Variants in SNX29 observed in about 807,000 individuals in gnomAD.
SNX29 encodes sorting nexin-29.
Under a neutral mutation model 102.1 loss-of-function variants are expected in SNX29, and 78 were observed. The ratio of observed to expected loss-of-function variants is 0.76; its 90% CI spans 0.64 to 0.92. The LOEUF (loss-of-function observed/expected upper bound fraction) is 0.92. Among genes scored for constraint, SNX29 ranks in the 40% least tolerant of loss-of-function variants. The pLI, the probability that SNX29 is intolerant of heterozygous loss-of-function variation, is 0.00. For missense variants in SNX29, 1,280 were observed against 1,061.7 expected, an observed-to-expected ratio of 1.21 and a Z score of -2.86; for synonymous variants, 580 against 414.5, an observed-to-expected ratio of 1.40 and a Z score of -4.85.
At chr16:12,000,059 G>T (rs1160680828) in intron 2 of SNX29, among the ~76,000 whole-genome samples, 1 of 152,118 alleles carries the variant, frequency 6.6e-6, no homozygotes, top group Non-Finnish European at 1.5e-5. Flanking sequence ...TGGAGGCCAC[G>T]CCTGAGGTCC....
chr16:12,551,998 C>T (rs983936774), intron 20 of SNX29, among the ~76,000 whole-genome samples: 4 of 152,188 alleles, frequency 2.6e-5, no homozygotes, highest in African/African-American at 9.7e-5. Flanking sequence ...GTAGCTCCTG[C>T]TGGTCCCTGT....
intron 13 of SNX29, among the ~76,000 whole-genome samples, chr16:12,139,981 A>AAG (rs2054811244): frequency 1.1e-5 from 1 of 93,658 alleles, no homozygotes; most frequent in African/African-American, 3.5e-5. Context: ...ACCCTGTCTC[A>AAG]AAAAAAAAAA....
chr16:12,394,182 A>G (rs980806989), intron 16 of SNX29, among the ~76,000 whole-genome samples: 4 of 152,190 alleles, frequency 2.6e-5, no homozygotes, highest in South Asian at 4.1e-4. Flanking sequence ...GCATCTGTAT[A>G]TGTCTACTCT....
At chr16:12,516,386 A>G (rs952028736) in intron 19 of SNX29, among the ~76,000 whole-genome samples, 1 of 150,504 alleles carries the variant, frequency 6.6e-6, no homozygotes, top group African/African-American at 2.4e-5. Flanking sequence ...AGGCTGAGGC[A>G]GGAGGATTGC....
intron 16 of SNX29, chr16:12,373,933 T>A (rs920850992): frequency 1.3e-5 from 2 of 152,266 alleles, no homozygotes; most frequent in Non-Finnish European, 2.9e-5. Context: ...GATGTCTCAA[T>A]TTAAGTGGTT....
At chr16:12,318,516 T>C (rs562266950) in intron 15 of SNX29, among the ~76,000 whole-genome samples, 5 of 152,066 alleles carry the variant, frequency 3.3e-5, no homozygotes, top group African/African-American at 1.2e-4. Context: ...CCATCCTCTG[T>C]TGGTGGGGAA....
intron 13 of SNX29, among the ~76,000 whole-genome samples, chr16:12,155,254 A>C (rs989431111): frequency 3.3e-5 from 5 of 152,196 alleles, no homozygotes; most frequent in African/African-American, 1.2e-4. Context: ...GTAACAATGT[A>C]ATTATGCAGC....
At chr16:12,104,985 A>T (rs1486489597) in intron 11 of SNX29, among the ~76,000 whole-genome samples, 2 of 152,172 alleles carry the variant, frequency 1.3e-5, no homozygotes, top group South Asian at 2.1e-4. Context: ...CCAAATGCAG[A>T]TCCACTCGGG....
chr16:12,043,739 A>AT (rs201568046), intron 5 of SNX29, among the ~76,000 whole-genome samples: 2 of 126,864 alleles, frequency 1.6e-5, no homozygotes, highest in East Asian at 2.0e-4. Flanking sequence ...GAAGGAAGTC[A>AT]TTTTTTTTGT....
chr16:12,270,462 G>A lies in SNX29; in HGVS notation c.1679-7471G>A, dbSNP rs142388848. On this transcript the variant is annotated intron_variant, in intron 14 of 20. Transcript: ENST00000566228. ...CTCCCAAGGCAAATTGAACCTTCTC[G>A]ACTTGAAAGTAAATCCGATGTTGTG... Among the ~76,000 whole-genome samples the A allele has an allele frequency of 9.0e-3, 1,362 of 152,158 alleles. 9 individuals carry two copies. The highest frequency in any genetic ancestry group is 0.013 in the African/African-American group (532 of 41,538).
intron 3 of SNX29, among the ~76,000 whole-genome samples, chr16:12,012,450 C>A (rs2056685579): frequency 2.0e-5 from 3 of 152,064 alleles, no homozygotes; most frequent in Admixed American, 2.0e-4. Context: ...CTTTTGTTGT[C>A]CAGGCTGGAG....
rs1157013617 is a variant in SNX29, at chr16:12,041,694, A to G, written c.248-1203A>G. On this transcript the variant is annotated intron_variant, in intron 4 of 20. Transcript: ENST00000566228. ...ACATCATGTCCTCCTCTTCTGTGTC[A>G]AGTTTCTCTCTGCCTGCCTCTTATG... Among the ~76,000 whole-genome samples, 3 of 152,146 alleles carry G rather than the reference A, an allele frequency of 2.0e-5. No individual in the cohort carries two copies. In the East Asian group the frequency reaches 5.8e-4, roughly 29 times the overall value.
At chr16:12,013,542 T>TATAGAGAGAGAGAGAGAGAGAG (rs1382498593) in intron 3 of SNX29, among the ~76,000 whole-genome samples, 7 of 109,072 alleles carry the variant, frequency 6.4e-5, no homozygotes, top group African/African-American at 2.4e-4. Context: ...TATATATATA[T>TATAGAGAGAGAGAGAGAGAGAG]CGAGAGAGGA....
intron 15 of SNX29, among the ~76,000 whole-genome samples, chr16:12,329,225 T>C (rs1185625268): frequency 2.1e-5 from 3 of 140,872 alleles, no homozygotes; most frequent in Non-Finnish European, 3.0e-5. Flanking sequence ...TGCAGTGAGC[T>C]ATGATTATGC....
At chr16:12,532,950 G>A (rs1023898434) in intron 20 of SNX29, among the ~76,000 whole-genome samples, 1 of 152,232 alleles carries the variant, frequency 6.6e-6, no homozygotes, top group Admixed American at 6.5e-5. Context: ...AGTTGGCTGC[G>A]GACCCAGGGA....
chr16:12,560,139 C>CT (rs940806049), intron 20 of SNX29, among the ~76,000 whole-genome samples: 2 of 53,470 alleles, frequency 3.7e-5, no homozygotes, highest in Non-Finnish European at 6.0e-5. Flanking sequence ...TTCCCCTCCC[C>CT]CCCCCAACAA....
At chr16:12,441,317 T>C (rs1430410276) in intron 18 of SNX29, among the ~76,000 whole-genome samples, 1 of 152,072 alleles carries the variant, frequency 6.6e-6, no homozygotes, top group Non-Finnish European at 1.5e-5. Flanking sequence ...ACCAATCTCC[T>C]GACCTTGTGA....
intron 20 of SNX29, among the ~76,000 whole-genome samples, chr16:12,527,934 C>G (rs1343656318): frequency 6.6e-6 from 1 of 150,894 alleles, no homozygotes. Flanking sequence ...ACGCCATTCT[C>G]CTGCTTCAGC....
intron 15 of SNX29, among the ~76,000 whole-genome samples, chr16:12,281,753 T>G (rs879331892): frequency 2.6e-5 from 4 of 152,046 alleles, no homozygotes; most frequent in Admixed American, 6.6e-5. Flanking sequence ...TTAGTAACTT[T>G]CCCAAGAGTC....
Sources: gnomAD v4.1 joint callset for allele counts (sites outside exome capture counted in the v4.1 genomes callset) on GRCh38, gnomAD v4.1.1 for gene constraint, MANE v1.5 for transcripts, NCBI Gene and HGNC (gene_info 2026-07-23, HGNC 2026-07-21) for gene names.